Variants in DRC4 observed in about 807,000 individuals in gnomAD.
The protein encoded by DRC4 is dynein regulatory complex subunit 4, also known as GAS-11.
chr16:90,044,161 T>G, the DRC4 span: 2 of 455,174 alleles, frequency 4.4e-6, no homozygotes, highest in African/African-American at 4.0e-5. Context: ...CAGGCGCTTC[T>G]GCGGCGGCTC....
At chr16:90,039,008 A>T in the DRC4 span, among the ~76,000 whole-genome samples, 1 of 152,224 alleles carries the variant, frequency 6.6e-6, no homozygotes. Context: ...CTTCTCAGAA[A>T]TATCCCATCT....
the DRC4 span, chr16:90,022,522 C>A: frequency 2.0e-6 from 1 of 500,644 alleles, no homozygotes; most frequent in Non-Finnish European, 3.4e-6. Context: ...GACATTTTCC[C>A]AACGTTCACA....
At chr16:90,031,771 C>T in the DRC4 span, among the ~76,000 whole-genome samples, 1 of 152,140 alleles carries the variant, frequency 6.6e-6, no homozygotes, top group Non-Finnish European at 1.5e-5. Context: ...TGGGGATGCA[C>T]CTCACCTCCC....
the DRC4 span, among the ~76,000 whole-genome samples, chr16:90,023,408 A>G: frequency 6.6e-6 from 1 of 152,112 alleles, no homozygotes; most frequent in African/African-American, 2.4e-5. Flanking sequence ...CCTTTGTGGT[A>G]CAGGAATTGT....
chr16:90,043,419 G>C, the DRC4 span: 7 of 1,391,124 alleles, frequency 5.0e-6, no homozygotes, highest in Admixed American at 1.6e-4. Flanking sequence ...ATCACACCAA[G>C]GACAGCAAGT....
the DRC4 span, chr16:90,031,481 C>A: frequency 6.4e-7 from 1 of 1,567,152 alleles, no homozygotes; most frequent in Non-Finnish European, 8.7e-7. Context: ...AGGAGAGGCA[C>A]CAGGTGGAGA....
At chr16:90,029,836 AAGCT>A in the DRC4 span, 3 of 168,916 alleles carry the variant, frequency 1.8e-5, no homozygotes, top group South Asian at 1.9e-4. Context: ...GGCTCACTGC[AAGCT>A]CCACCTCCTG....
chr16:90,034,515 G>C, the DRC4 span, among the ~76,000 whole-genome samples: 2 of 152,002 alleles, frequency 1.3e-5, no homozygotes, highest in Admixed American at 6.6e-5. Flanking sequence ...CCAGCTACTC[G>C]GGACGCTGAG....
the DRC4 span, among the ~76,000 whole-genome samples, chr16:90,025,476 C>T: frequency 2.1e-4 from 31 of 149,924 alleles, no homozygotes; most frequent in African/African-American, 7.1e-4. Flanking sequence ...TAGTGAAACC[C>T]CGTCTCTACT....
the DRC4 span, among the ~76,000 whole-genome samples, chr16:90,026,891 C>G: frequency 7.2e-5 from 9 of 125,148 alleles, no homozygotes; most frequent in South Asian, 3.0e-4. Flanking sequence ...AGTTCCCTCT[C>G]TTTTCTTTTT....
At chr16:90,036,003 C>A in the DRC4 span, 1 of 1,039,442 alleles carries the variant, frequency 9.6e-7, no homozygotes, top group South Asian at 1.9e-5. Context: ...CTCCATGGCT[C>A]CTGGTCTGAG....
At chr16:90,028,823 G>C in the DRC4 span, 2 of 735,004 alleles carry the variant, frequency 2.7e-6, no homozygotes, top group Non-Finnish European at 3.8e-6. Flanking sequence ...ACCTTCTTTT[G>C]ATAGTTGTAA....
At chr16:90,038,809 A>G in the DRC4 span, among the ~76,000 whole-genome samples, 1 of 152,160 alleles carries the variant, frequency 6.6e-6, no homozygotes, top group Non-Finnish European at 1.5e-5. Context: ...CTGTCCCTTA[A>G]AGACGCTCCT....
At chr16:90,040,637 G>C in the DRC4 span, 3,978 of 753,828 alleles carry the variant, frequency 5.3e-3, 440 homozygotes, top group African/African-American at 0.086. Flanking sequence ...GGGCATTCAT[G>C]GGTTTCCTGT....
the DRC4 span, among the ~76,000 whole-genome samples, chr16:90,027,306 T>C: frequency 6.6e-6 from 1 of 151,982 alleles, no homozygotes; most frequent in Non-Finnish European, 1.5e-5. Flanking sequence ...GCCGGGATGG[T>C]CTTGATCTCC....
chr16:90,027,546 T>G, the DRC4 span: 2 of 1,337,006 alleles, frequency 1.5e-6, no homozygotes, highest in Non-Finnish European at 2.1e-6. Flanking sequence ...TTCCAGAACC[T>G]TCTCTGCCAA....
chr16:90,035,984 A>ATTTTTTTTTATTTTTTTTT, the DRC4 span: 1 of 1,148,810 alleles, frequency 8.7e-7, no homozygotes, highest in Non-Finnish European at 1.2e-6. Context: ...GCCTTCTTAA[A>ATTTTTTTTTATTTTTTTTT]ATAGTCTTCT....
At chr16:90,031,609 G>A in the DRC4 span, 17 of 1,165,240 alleles carry the variant, frequency 1.5e-5, 1 homozygote, top group Admixed American at 3.0e-4. Flanking sequence ...GGGAGTCACA[G>A]CCTTAAAGGT....
At chr16:90,039,356 CAGTT>C in the DRC4 span, among the ~76,000 whole-genome samples, 3 of 138,614 alleles carry the variant, frequency 2.2e-5, no homozygotes, top group Non-Finnish European at 3.1e-5. Context: ...GAGACCAAGG[CAGTT>C]ATTTATTTAT....
Sources: gnomAD v4.1 joint callset for allele counts (sites outside exome capture counted in the v4.1 genomes callset) on GRCh38, gnomAD v4.1.1 for gene constraint, MANE v1.5 for transcripts, NCBI Gene and HGNC (gene_info 2026-07-23, HGNC 2026-07-21) for gene names.